MEGF11: variants seen among roughly 807,000 people sequenced by gnomAD.
The protein encoded by MEGF11 is multiple EGF like domains 11.
In MEGF11, 126 loss-of-function variants were observed where a neutral mutation model predicts 146.6. The ratio of observed to expected loss-of-function variants is 0.86; its 90% confidence interval spans 0.74 to 1.00. The LOEUF (loss-of-function observed/expected upper bound fraction) is 1.00. MEGF11 is among the 50% of genes least tolerant of loss of function. MEGF11 has a pLI of 0.00. For missense variants in MEGF11, 1,509 were observed against 1,521.2 expected (o/e 0.99, Z 0.13); for synonymous variants, 532 against 583.4 (o/e 0.91, Z 1.27).
chr15:65,913,141 A>T (rs901443969), intron 20 of MEGF11, among the ~76,000 whole-genome samples: 2 of 152,018 alleles, frequency 1.3e-5, no homozygotes, highest in Non-Finnish European at 2.9e-5. Context: ...CCCCACTCAG[A>T]CTCCCAAATA....
chr15:66,127,310 G>A (rs144008945), intron 2 of MEGF11, among the ~76,000 whole-genome samples: 7 of 152,324 alleles, frequency 4.6e-5, no homozygotes, highest in African/African-American at 1.4e-4. Flanking sequence ...ACCACACACA[G>A]GATCTGGTCT....
rs199638787 is a variant in MEGF11, at chr15:65,906,120, C to T, written c.3020G>A (p.Arg1007His). The T allele has an allele frequency of 1.5e-5, 24 of 1,610,630 alleles. No homozygotes were observed. Among genetic ancestry groups the T allele is most frequent in the African/African-American group, 6.7e-5 (5 of 74,966 alleles). ...TTTGTCCATAATGTATGTGTTCTGA[C>T]GTCTATCCATTCCACAAGCACCTGT... ...HSPGACGMDRRQNTYIMDKGF... is the reference protein window; with the variant it reads ...HSPGACGMDRHQNTYIMDKGF... Residue 1007 changes from arginine to histidine, a missense_variant, in exon 24 of 26, where the codon CGT (arginine) becomes CAT (histidine). Transcript: ENST00000395614.
intron 24 of MEGF11, among the ~76,000 whole-genome samples, chr15:65,904,173 T>G (rs1278283778): frequency 6.6e-6 from 1 of 152,146 alleles, no homozygotes; most frequent in Non-Finnish European, 1.5e-5. Flanking sequence ...GTTATTGGGG[T>G]TTCTGGTCCT....
chr15:66,042,984 G>A (rs1426946976), intron 5 of MEGF11, among the ~76,000 whole-genome samples: 1 of 152,210 alleles, frequency 6.6e-6, no homozygotes, highest in Non-Finnish European at 1.5e-5. Flanking sequence ...GCCTGTAACA[G>A]GGAATGTCTC....
chr15:66,081,012 G>A (rs539793608), intron 5 of MEGF11, among the ~76,000 whole-genome samples: 5 of 152,318 alleles, frequency 3.3e-5, no homozygotes, highest in East Asian at 1.9e-4. Flanking sequence ...AAAACAACTC[G>A]AGAGAGAGCT....
In MEGF11 at chr15:65,968,181, G is replaced by A. The variant is rs185596311; in HGVS notation, c.899+2372C>T. On this transcript the variant is annotated intron_variant, in intron 8 of 25. Coordinates refer to ENST00000395614, the MANE Select transcript of MEGF11 (RefSeq NM_001385028.1). ...TGGAAAGTAGAAGACAGAAGGAGGA[G>A]AAGTAGAATGGGGGAAGGGAAGGAG... Among the ~76,000 whole-genome samples, 400 of 152,260 alleles carry A rather than the reference G, an allele frequency of 2.6e-3. 1 individual carries two copies. The highest frequency in any genetic ancestry group is 9.0e-3 in the African/African-American group (373 of 41,542).
At chr15:66,025,317 G>C (rs540407252) in intron 5 of MEGF11, among the ~76,000 whole-genome samples, 25 of 152,020 alleles carry the variant, frequency 1.6e-4, no homozygotes, top group Admixed American at 3.3e-4. Flanking sequence ...ATTCCTGAGT[G>C]GGGGGGCTCC....
intron 1 of MEGF11, among the ~76,000 whole-genome samples, chr15:66,139,495 G>A (rs753515387): frequency 3.3e-5 from 5 of 151,974 alleles, no homozygotes; most frequent in Admixed American, 1.3e-4. Context: ...AATTAATGAA[G>A]TGAAACTGAA....
chr15:66,142,776 C>T (rs1597118794), intron 1 of MEGF11, among the ~76,000 whole-genome samples: 2 of 152,210 alleles, frequency 1.3e-5, no homozygotes, highest in African/African-American at 4.8e-5. Context: ...GTCACTGCAC[C>T]TCTCTGGGCT....
chr15:66,165,579 C>A (rs543265903), intron 1 of MEGF11, among the ~76,000 whole-genome samples: 1 of 152,212 alleles, frequency 6.6e-6, no homozygotes, highest in African/African-American at 2.4e-5. Flanking sequence ...AGTCTTCTGG[C>A]CCCTCCTGAT....
At chr15:66,179,798 C>A (rs938150258) in intron 1 of MEGF11, among the ~76,000 whole-genome samples, 15 of 151,914 alleles carry the variant, frequency 9.9e-5, no homozygotes, top group African/African-American at 3.6e-4. Flanking sequence ...TCTCTGCAAG[C>A]CTGCCCCTGC....
chr15:66,079,911 C>T (rs56243002), intron 5 of MEGF11, among the ~76,000 whole-genome samples: 61 of 152,290 alleles, frequency 4.0e-4, no homozygotes, highest in Non-Finnish European at 7.2e-4. Context: ...CCCACAAGGG[C>T]GGGGCTCCCC....
At chr15:66,116,561 G>C (rs539834846) in intron 4 of MEGF11, among the ~76,000 whole-genome samples, 1 of 152,238 alleles carries the variant, frequency 6.6e-6, no homozygotes, top group Admixed American at 6.5e-5. Flanking sequence ...ATGCTGCATG[G>C]GTAACATGAA....
At chr15:65,949,135 A>G (rs2080301277) in intron 10 of MEGF11, among the ~76,000 whole-genome samples, 1 of 152,176 alleles carries the variant, frequency 6.6e-6, no homozygotes, top group Admixed American at 6.5e-5. Flanking sequence ...TTCAGTCTGC[A>G]TTCTCTACTG....
chr15:66,233,945 C>CT (rs2092029767), intron 1 of MEGF11, among the ~76,000 whole-genome samples: 8 of 108,492 alleles, frequency 7.4e-5, no homozygotes, highest in South Asian at 3.2e-4. Context: ...TTTTTTTTTT[C>CT]TTTTTCTTTT....
intron 5 of MEGF11, among the ~76,000 whole-genome samples, chr15:66,051,853 T>A (rs1463507890): frequency 6.6e-6 from 1 of 152,226 alleles, no homozygotes; most frequent in African/African-American, 2.4e-5. Flanking sequence ...GCGAGTGCTG[T>A]GCAGTTTCGT....
intron 5 of MEGF11, among the ~76,000 whole-genome samples, chr15:66,048,285 C>G (rs1044361794): frequency 6.6e-6 from 1 of 152,212 alleles, no homozygotes; most frequent in African/African-American, 2.4e-5. Flanking sequence ...ATGGAGAAGG[C>G]TCACAGGAGC....
chr15:65,991,081 C>A (rs1325139503), intron 5 of MEGF11, among the ~76,000 whole-genome samples: 3 of 152,200 alleles, frequency 2.0e-5, no homozygotes, highest in Non-Finnish European at 4.4e-5. Flanking sequence ...TCTTAGTGAT[C>A]TATTTATTAC....
At chr15:66,163,231 T>C (rs1409704926) in intron 1 of MEGF11, among the ~76,000 whole-genome samples, 2 of 152,188 alleles carry the variant, frequency 1.3e-5, no homozygotes, top group Non-Finnish European at 2.9e-5. Flanking sequence ...CCACAGTATG[T>C]TTTGTTCTAT....
Sources: gnomAD v4.1 joint callset for allele counts (sites outside exome capture counted in the v4.1 genomes callset) on GRCh38, gnomAD v4.1.1 for gene constraint, MANE v1.5 for transcripts, NCBI Gene and HGNC (gene_info 2026-07-23, HGNC 2026-07-21) for gene names.